ASH1L: variants seen among roughly 807,000 people sequenced by gnomAD.
ASH1L encodes ASH1 like histone lysine methyltransferase.
ASH1L carries 23 observed loss-of-function variants against 269.0 expected under a neutral mutation model. The ratio of observed to expected loss-of-function variants is 0.09; its 90% CI spans 0.06 to 0.12. ASH1L has a LOEUF of 0.12. ASH1L is among the 10% of genes least tolerant of loss of function. The pLI is 1.00. For missense variants in ASH1L, 2,912 were observed against 3,567.8 expected, an observed-to-expected ratio of 0.82 and a Z score of 4.68; for synonymous variants, 1,187 against 1,253.5, an observed-to-expected ratio of 0.95 and a Z score of 1.12.
intron 1 of ASH1L, among the ~76,000 whole-genome samples, chr1:155,541,164 G>A (rs2148889136): frequency 6.6e-6 from 1 of 152,260 alleles, no homozygotes; most frequent in Non-Finnish European, 1.5e-5. Context: ...CCTGTTTGCT[G>A]TATTCACTGC....
chr1:155,450,083 A>G (rs1424745660), intron 4 of ASH1L, among the ~76,000 whole-genome samples: 3 of 152,232 alleles, frequency 2.0e-5, no homozygotes, highest in Non-Finnish European at 2.9e-5. Flanking sequence ...TTCCACATTT[A>G]AAGACATCAT....
At chr1:155,511,599 G>A (rs180959123) in intron 2 of ASH1L, among the ~76,000 whole-genome samples, 94 of 152,310 alleles carry the variant, frequency 6.2e-4, no homozygotes, top group Non-Finnish European at 8.5e-4. Flanking sequence ...TCCGCCTCCC[G>A]GGCTGAAGTG....
In ASH1L at chr1:155,439,085, A is replaced by G. The variant is rs202116089; in HGVS notation, c.5087-17T>C. 37 of 1,581,226 alleles carry G rather than the reference A, an allele frequency of 2.3e-5. No homozygotes were observed. In the East Asian group the frequency reaches 8.3e-4, roughly 35 times the overall value. ...CTCCGTTTACTGAAAGAGACAATAA[A>G]TCACACATAGACAAAATTGGACACG... On this transcript the variant is annotated splice_polypyrimidine_tract_variant and intron_variant, in intron 4 of 27. Transcript: ENST00000392403.
Position 155,482,279 on chromosome 1 carries a change from A to T in ASH1L, c.591T>A (p.Leu197=). ...CCTTTAAATCAGGATCCCGGCTACC[A>T]AGAAGAGTAGATGGCGTTGCATTAA... ...DYINATPSTL[L]GSRDPDLKDR... The change falls in exon 3 of 28, where the codon CTT becomes CTA. Residue 197 remains leucine, a synonymous_variant. Coordinates refer to ENST00000392403, the MANE Select transcript of ASH1L (RefSeq NM_018489.3). 1 of 1,614,184 alleles carries T rather than the reference A, an allele frequency of 6.2e-7. No homozygotes were observed. The highest frequency in any genetic ancestry group is 8.5e-7 in the Non-Finnish European group (1 of 1,180,012).
Position 155,479,518 on chromosome 1 carries a change from G to C in ASH1L, c.3352C>G (p.Gln1118Glu), listed in dbSNP as rs1304733952. 6.2e-7 allele frequency: 1 copy of C among 1,614,162 alleles called. No individual in the cohort carries two copies. Among genetic ancestry groups the C allele is most frequent in the Non-Finnish European group, 8.5e-7 (1 of 1,180,016 alleles). ...CCTGCATCACTACTTACAGGGCTCT[G>C]ACCTCCACTAGTCCCAGAAGACTGA... ...CSQSSGTSGGQSPVSSDAGFV... is the reference protein window; with the variant it reads ...CSQSSGTSGGESPVSSDAGFV... The change falls in exon 3 of 28, where the codon CAG (glutamine) becomes GAG (glutamate). Residue 1118 changes from glutamine to glutamate, a missense_variant. Physicochemically the swap from Gln to Glu is conservative, Grantham distance 29. This residue lies in a region of ASH1L where 157 missense variants were observed against 154.6 expected (regional missense o/e 1.02). Coordinates refer to ENST00000392403, the MANE Select transcript of ASH1L (RefSeq NM_018489.3).
chr1:155,416,207 G>A (rs1660194491), intron 5 of ASH1L, among the ~76,000 whole-genome samples: 1 of 150,060 alleles, frequency 6.7e-6, no homozygotes, highest in African/African-American at 2.5e-5. Context: ...CTTGGCTCAA[G>A]GCAACCTCCG....
rs747463993 is a variant in ASH1L, at chr1:155,479,602, G to A, written c.3268C>T (p.Pro1090Ser). The change falls in exon 3 of 28, where the codon CCC (proline) becomes TCC (serine). Residue 1090 changes from proline (P) to serine (S), a missense_variant. Pro to Ser is a moderately conservative substitution (Grantham distance 74, BLOSUM62 -1). Coordinates refer to ENST00000392403, the MANE Select transcript of ASH1L (RefSeq NM_018489.3). The stretch of plus-strand genomic sequence containing the variant: ...CTAGCAGATGAAGGCAGTAATGGGG[G>A]AAGAATCTGTCCTAATGCTGACCCA... ...AAGSALGQIL[P>S]PLLPSSASSS... The A allele has an allele frequency of 1.9e-6, 3 of 1,614,230 alleles. No individual in the cohort carries two copies. Among genetic ancestry groups the A allele is most frequent in the East Asian group, 2.2e-5 (1 of 44,886 alleles).
At chr1:155,420,368 A>G (rs1238006789) in intron 5 of ASH1L, among the ~76,000 whole-genome samples, 2 of 150,898 alleles carry the variant, frequency 1.3e-5, no homozygotes, top group African/African-American at 2.4e-5. Flanking sequence ...CATCTCAAAA[A>G]AAAAAAAAAA....
intron 6 of ASH1L, among the ~76,000 whole-genome samples, chr1:155,412,926 G>A (rs1256951728): frequency 6.6e-6 from 1 of 150,888 alleles, no homozygotes; most frequent in East Asian, 1.9e-4. Flanking sequence ...GAAAAAAATG[G>A]TTTTTTTTAA....
chr1:155,444,228 T>C (rs1278258406), intron 4 of ASH1L, among the ~76,000 whole-genome samples: 1 of 152,130 alleles, frequency 6.6e-6, no homozygotes, highest in Admixed American at 6.5e-5. Context: ...ATGATCCACC[T>C]GCCTTGGCCT....
intron 25 of ASH1L, 53 bp downstream of exon 25, chr1:155,341,883 T>A: frequency 6.4e-7 from 1 of 1,569,686 alleles, no homozygotes; most frequent in Non-Finnish European, 8.7e-7. Context: ...GTGAATTTCA[T>A]GCATGAACCA....
At chr1:155,476,718 A>AT (rs1388306298) in intron 3 of ASH1L, among the ~76,000 whole-genome samples, 2 of 150,830 alleles carry the variant, frequency 1.3e-5, no homozygotes, top group Non-Finnish European at 3.0e-5. Context: ...TGCCTGGCTA[A>AT]TTTTTTTTGT....
intron 1 of ASH1L, among the ~76,000 whole-genome samples, chr1:155,534,329 C>G (rs1047924719): frequency 1.4e-5 from 2 of 145,012 alleles, no homozygotes; most frequent in African/African-American, 2.6e-5. Context: ...TTCTGGAATA[C>G]CAGTCATATC....
chr1:155,444,868 C>T (rs1189326832), intron 4 of ASH1L, among the ~76,000 whole-genome samples: 2 of 139,144 alleles, frequency 1.4e-5, no homozygotes, highest in Non-Finnish European at 2.9e-5. Flanking sequence ...CCGCCCGCCT[C>T]GGCCTCCCAA....
chr1:155,513,287 G>C (rs1246610408), intron 2 of ASH1L, among the ~76,000 whole-genome samples: 1 of 151,946 alleles, frequency 6.6e-6, no homozygotes, highest in Non-Finnish European at 1.5e-5. Context: ...TAATGCCCCA[G>C]CCAGGCACAG....
chr1:155,474,531 T>G (rs982637510), intron 3 of ASH1L, among the ~76,000 whole-genome samples: 6 of 152,080 alleles, frequency 3.9e-5, no homozygotes, highest in African/African-American at 1.4e-4. Flanking sequence ...AAACCCCATC[T>G]CTACAAAAAT....
intron 3 of ASH1L, among the ~76,000 whole-genome samples, chr1:155,471,997 A>G (rs933952876): frequency 3.3e-5 from 5 of 152,192 alleles, no homozygotes; most frequent in Non-Finnish European, 1.5e-5. Context: ...TTATTTTATA[A>G]AGAAGAAAAA....
chr1:155,460,733 C>T (rs1664239512), intron 3 of ASH1L, among the ~76,000 whole-genome samples: 1 of 152,088 alleles, frequency 6.6e-6, no homozygotes, highest in Non-Finnish European at 1.5e-5. Flanking sequence ...TTAATTTATC[C>T]ATGAAATACA....
At chr1:155,544,354 T>A (rs1306596388) in intron 1 of ASH1L, among the ~76,000 whole-genome samples, 1 of 151,682 alleles carries the variant, frequency 6.6e-6, no homozygotes, top group Non-Finnish European at 1.5e-5. Context: ...TGGCAAGATC[T>A]CGGCTCACTG....
Sources: gnomAD v4.1 joint callset for allele counts (sites outside exome capture counted in the v4.1 genomes callset) on GRCh38, gnomAD v4.1.1 for gene constraint, gnomAD v4.1.1 regional missense constraint, MANE v1.5 for transcripts, NCBI Gene and HGNC (gene_info 2026-07-23, HGNC 2026-07-21) for gene names.